Variants in COL14A1 observed in about 807,000 individuals in gnomAD.
The protein encoded by COL14A1 is collagen alpha-1(XIV) chain.
Under a neutral mutation model 230.3 loss-of-function variants are expected in COL14A1, and 136 were observed. The ratio of observed to expected loss-of-function variants is 0.59; its 90% CI spans 0.51 to 0.68. The LOEUF is 0.68. Ranked by LOEUF, COL14A1 falls within the 30% of genes least tolerant of loss-of-function variation. The pLI is 0.00. For synonymous variants in COL14A1, 792 were observed against 784.1 expected (o/e 1.01, Z -0.17); for missense variants, 1,976 against 2,215.8 (o/e 0.89, Z 2.17).
At chr8:120,269,426 A>T (rs890767655) in intron 25 of COL14A1, among the ~76,000 whole-genome samples, 33 of 151,894 alleles carry the variant, frequency 2.2e-4, no homozygotes, top group African/African-American at 6.0e-4. Flanking sequence ...CTTGGCTAGC[A>T]TTAGTGTACA....
intron 5 of COL14A1, among the ~76,000 whole-genome samples, chr8:120,190,778 T>G (rs1816797073): frequency 6.6e-6 from 1 of 152,142 alleles, no homozygotes; most frequent in African/African-American, 2.4e-5. Flanking sequence ...CTTGGGAGGG[T>G]GTATGTGTCA....
At chr8:120,275,131 G>T (rs1052457809) in intron 26 of COL14A1, among the ~76,000 whole-genome samples, 3 of 151,876 alleles carry the variant, frequency 2.0e-5, no homozygotes, top group Non-Finnish European at 2.9e-5. Flanking sequence ...GCATGATACT[G>T]ATATAAAAAT....
Position 120,341,355 on chromosome 8 carries a change from G to A in COL14A1, c.4816G>A (p.Glu1606Lys), listed in dbSNP as rs1270794708. Residue 1606 changes from glutamate (E) to lysine (K), a missense_variant, in exon 43 of 48, where the codon GAG (glutamate) becomes AAG (lysine). Physicochemically the swap from Glu to Lys is moderately conservative, Grantham distance 56. This residue lies in a region of COL14A1 where 1,791 missense variants were observed against 2,019.5 expected (regional missense o/e 0.89). Coordinates refer to ENST00000297848, the MANE Select transcript of COL14A1 (RefSeq NM_021110.4). Reference sequence around the variant, plus strand: ...CCCTGGAGCAAAGGGGGAACGAGGAGAGCGGGTAAGTATCCTGTGGCTCTG... The same window carrying A: ...CCCTGGAGCAAAGGGGGAACGAGGAAAGCGGGTAAGTATCCTGTGGCTCTG... ...GVPGAKGERG[E>K]RGDLQSQAMV... 1.9e-6 allele frequency: 3 copies of A among 1,614,182 alleles called. No individual in the cohort carries two copies. The Admixed American group carries it at 5.0e-5, about 27-fold the overall frequency.
chr8:120,302,565 T>C (rs1337761944), intron 36 of COL14A1, among the ~76,000 whole-genome samples: 2 of 152,318 alleles, frequency 1.3e-5, no homozygotes, highest in Non-Finnish European at 2.9e-5. Flanking sequence ...TGTTGTCTTT[T>C]TTCTGGGTTC....
chr8:120,220,425 C>G (rs1051527775), intron 14 of COL14A1, among the ~76,000 whole-genome samples: 6 of 152,024 alleles, frequency 3.9e-5, no homozygotes, highest in African/African-American at 1.4e-4. Context: ...AGGCACGCAC[C>G]ACCACGCCCA....
intron 45 of COL14A1, among the ~76,000 whole-genome samples, chr8:120,346,936 T>C (rs1207998995): frequency 2.0e-5 from 3 of 152,234 alleles, no homozygotes; most frequent in Non-Finnish European, 2.9e-5. Flanking sequence ...TGAAAGTTTT[T>C]CCCTGTGTCA....
chr8:120,279,199 G>T (rs577089097), intron 28 of COL14A1, among the ~76,000 whole-genome samples: 8 of 152,108 alleles, frequency 5.3e-5, no homozygotes, highest in African/African-American at 1.9e-4. Flanking sequence ...CCTAATGCAT[G>T]CAGGGCTTAA....
At position 120,370,396 on chromosome 8, in the gene COL14A1, G is replaced by A. The variant is rs367946410; in HGVS notation, c.5312-756G>A. 2.5e-6 allele frequency: 4 copies of A among 1,609,822 alleles called. No individual in the cohort carries two copies. The African/African-American group carries it at 4.0e-5, about 16-fold the overall frequency. On this transcript the variant is annotated intron_variant, in intron 47 of 47. Transcript: ENST00000297848. ...GGAAATCCTCCACTCTGGTTCCATT[G>A]GCCCCAGACATTTAGCTGTGGATAC...
At chr8:120,327,762 G>A (rs1215242919) in intron 40 of COL14A1, among the ~76,000 whole-genome samples, 1 of 143,060 alleles carries the variant, frequency 7.0e-6, no homozygotes, top group Non-Finnish European at 1.5e-5. Context: ...GTATTTATTA[G>A]TGCAATACTT....
chr8:120,202,059 T>C (rs1258429521), intron 8 of COL14A1, among the ~76,000 whole-genome samples: 1 of 152,176 alleles, frequency 6.6e-6, no homozygotes, highest in Non-Finnish European at 1.5e-5. Flanking sequence ...TGAGAAGCAA[T>C]TGTAGAAGTC....
At chr8:120,246,783 T>C (rs1818780943) in intron 20 of COL14A1, among the ~76,000 whole-genome samples, 1 of 152,074 alleles carries the variant, frequency 6.6e-6, no homozygotes, top group South Asian at 2.1e-4. Context: ...GCATACAAAT[T>C]TACAACAGTC....
chr8:120,303,272 A>G (rs942555587), intron 36 of COL14A1, among the ~76,000 whole-genome samples: 4 of 152,134 alleles, frequency 2.6e-5, no homozygotes, highest in South Asian at 4.1e-4. Flanking sequence ...TTCCAATACT[A>G]TGTTAAATAG....
chr8:120,345,222 T>A (rs1374834488), intron 44 of COL14A1, among the ~76,000 whole-genome samples, 153 bp from the exon 45 acceptor site: 1 of 152,180 alleles, frequency 6.6e-6, no homozygotes, highest in Non-Finnish European at 1.5e-5. Context: ...AAAAAAATGT[T>A]AAGCTGGAAA....
chr8:120,177,948 C>A (rs1816337626), intron 5 of COL14A1, among the ~76,000 whole-genome samples: 1 of 151,822 alleles, frequency 6.6e-6, no homozygotes, highest in African/African-American at 2.4e-5. Flanking sequence ...AAATGGGGAA[C>A]ACATAGGAAG....
chr8:120,286,896 A>G (rs1204619240), intron 33 of COL14A1, among the ~76,000 whole-genome samples: 2 of 152,166 alleles, frequency 1.3e-5, no homozygotes, highest in African/African-American at 4.8e-5. Context: ...TGTGGTGATC[A>G]TTGGGGTGGA....
chr8:120,310,201 C>T (rs1019304523), intron 37 of COL14A1, 139 bp downstream of exon 37: 1 of 729,644 alleles, frequency 1.4e-6, no homozygotes, highest in African/African-American at 1.8e-5. Flanking sequence ...TTGTGCCTAA[C>T]CCTTCTTCCT....
chr8:120,324,760 G>A (rs1251511006), intron 40 of COL14A1, among the ~76,000 whole-genome samples: 7 of 152,174 alleles, frequency 4.6e-5, no homozygotes, highest in Admixed American at 3.3e-4. Context: ...TGTCAGCTTC[G>A]AAGAAGATAT....
rs527815622 is a variant in COL14A1, at chr8:120,343,536, C to T, written c.4888+1090C>T. Among the ~76,000 whole-genome samples the T allele has an allele frequency of 8.9e-4, 136 of 152,272 alleles. 1 individual carries two copies. The highest frequency in any genetic ancestry group is 3.1e-3 in the African/African-American group (130 of 41,546). Reference sequence around the variant, plus strand: ...GGAGGAGGCATGGAGTTGAGATCTGCACAGGCTTGGAAGAGTTTTCATTAA... The same window carrying T: ...GGAGGAGGCATGGAGTTGAGATCTGTACAGGCTTGGAAGAGTTTTCATTAA... On this transcript the variant is annotated intron_variant, in intron 44 of 47. Coordinates refer to ENST00000297848, the MANE Select transcript of COL14A1 (RefSeq NM_021110.4).
At chr8:120,357,062 A>C (rs1823013624) in intron 45 of COL14A1, among the ~76,000 whole-genome samples, 1 of 152,206 alleles carries the variant, frequency 6.6e-6, no homozygotes, top group South Asian at 2.1e-4. Flanking sequence ...CTTATGTATT[A>C]GTGAGCTATT....
Sources: allele counts gnomAD v4.1 joint callset (sites outside exome capture counted in the v4.1 genomes callset), GRCh38; gene constraint gnomAD v4.1.1; regional missense constraint gnomAD v4.1.1; transcripts MANE v1.5; gene names NCBI Gene and HGNC (gene_info 2026-07-23, HGNC 2026-07-21).